Variants in METTL21A observed in about 807,000 individuals in gnomAD.
METTL21A encodes protein N-lysine methyltransferase METTL21A.
METTL21A carries 22 observed loss-of-function variants against 20.9 expected under a neutral mutation model. That is an observed-to-expected ratio of 1.05 (90% CI 0.75 to 1.50). The LOEUF is 1.50. Among genes scored for constraint, METTL21A ranks in the 40% most tolerant of loss-of-function variants. The pLI is 0.00. For missense variants in METTL21A, 271 were observed against 266.8 expected (o/e 1.02, Z -0.11); for synonymous variants, 93 against 102.0 (o/e 0.91, Z 0.53).
chr2:207,586,058 GAC>G (rs987966482), intron 3 of METTL21A, among the ~76,000 whole-genome samples: 146 of 152,184 alleles, frequency 9.6e-4, no homozygotes, highest in African/African-American at 3.2e-3. Context: ...GCCTTTCTAA[GAC>G]ACACTATTTT....
At chr2:207,602,156 T>G (rs907917489) in intron 3 of METTL21A, 1 of 197,740 alleles carries the variant, frequency 5.1e-6, no homozygotes, top group East Asian at 7.8e-5. Context: ...AGACCGACTT[T>G]AAGAGGGACC....
chr2:207,589,377 C>G (rs963755416), intron 3 of METTL21A, among the ~76,000 whole-genome samples: 1 of 152,150 alleles, frequency 6.6e-6, no homozygotes, highest in Non-Finnish European at 1.5e-5. Context: ...TTTTCTTCTG[C>G]TTTCCTGTTC....
Position 207,624,530 on chromosome 2 carries a change from C to G in METTL21A, c.-29-126G>C, listed in dbSNP as rs111470100. The G allele has an allele frequency of 1.2e-3, 1,039 of 842,938 alleles. 3 individuals carry two copies. Among genetic ancestry groups the G allele is most frequent in the African/African-American group, 7.4e-3 (418 of 56,272 alleles). The allele number at this position is 842,938 out of a possible 1,614,324, so 52.2% of individuals were successfully genotyped here. A position where few individuals can be genotyped will look rare whatever the true frequency, so the allele number is the denominator to read the frequency against. On this transcript the variant is annotated intron_variant, in intron 1 of 3. Transcript: ENST00000406927. Reference sequence around the variant, plus strand: ...GAAAAAAAGAAACAGGTGGAGGAAGCCTTTGTCCAATTTCTTTTGCATGGC... The same window carrying G: ...GAAAAAAAGAAACAGGTGGAGGAAGGCTTTGTCCAATTTCTTTTGCATGGC...
At chr2:207,619,254 C>A (rs1441531892) in intron 3 of METTL21A, among the ~76,000 whole-genome samples, 1 of 151,808 alleles carries the variant, frequency 6.6e-6, no homozygotes, top group African/African-American at 2.4e-5. Flanking sequence ...CACCTGCCAG[C>A]CTGTTTATTG....
chr2:207,614,143 G>A (rs1278722552), intron 3 of METTL21A, among the ~76,000 whole-genome samples: 1 of 151,758 alleles, frequency 6.6e-6, no homozygotes, highest in Non-Finnish European at 1.5e-5. Flanking sequence ...GCTCATGCCT[G>A]TAATCCCAGC....
chr2:207,587,590 C>T (rs2084116522), intron 3 of METTL21A, among the ~76,000 whole-genome samples: 1 of 152,056 alleles, frequency 6.6e-6, no homozygotes, highest in Non-Finnish European at 1.5e-5. Flanking sequence ...TATATATACA[C>T]AGTGGTATAC....
chr2:207,585,056 A>C (rs907626966), intron 3 of METTL21A, among the ~76,000 whole-genome samples: 1 of 151,486 alleles, frequency 6.6e-6, no homozygotes, highest in Non-Finnish European at 1.5e-5. Flanking sequence ...CACATACATC[A>C]TCTAGGGTGC....
At chr2:207,618,758 C>A (rs184711738) in intron 3 of METTL21A, among the ~76,000 whole-genome samples, 5 of 152,124 alleles carry the variant, frequency 3.3e-5, no homozygotes, top group Non-Finnish European at 7.4e-5. Flanking sequence ...CTCTCTCTCT[C>A]TAAAAAATAT....
At chr2:207,624,183 T>G (rs1213540792) in intron 2 of METTL21A, 46 bp downstream of exon 2, 1 of 1,532,888 alleles carries the variant, frequency 6.5e-7, no homozygotes. Context: ...TAAAAGCCAG[T>G]CTTGCAAGTG....
intron 3 of METTL21A, 121 bp from the exon 4 acceptor site, chr2:207,613,564 T>C: frequency 2.3e-6 from 2 of 865,098 alleles, no homozygotes; most frequent in South Asian, 2.1e-5. Flanking sequence ...ATAATATCAA[T>C]CACACCTTTC....
At chr2:207,583,384 G>A (rs1383441514) in intron 3 of METTL21A, among the ~76,000 whole-genome samples, 2 of 152,168 alleles carry the variant, frequency 1.3e-5, no homozygotes, top group African/African-American at 4.8e-5. Flanking sequence ...TTCTCCGACA[G>A]AAACTTGGCT....
chr2:207,616,758 A>C (rs998868165), intron 3 of METTL21A, among the ~76,000 whole-genome samples: 2 of 152,186 alleles, frequency 1.3e-5, no homozygotes, highest in Non-Finnish European at 2.9e-5. Flanking sequence ...AGGCAGGAGA[A>C]TCGCTTGAAC....
chr2:207,593,090 C>A (rs539283632), intron 3 of METTL21A, among the ~76,000 whole-genome samples: 1 of 152,202 alleles, frequency 6.6e-6, no homozygotes, highest in Non-Finnish European at 1.5e-5. Context: ...GTTTTACTTA[C>A]CAGAACATCA....
intron 3 of METTL21A, chr2:207,603,247 C>A (rs1336862210): frequency 4.5e-6 from 1 of 220,158 alleles, no homozygotes; most frequent in Non-Finnish European, 9.1e-6. Flanking sequence ...ACACTATGTA[C>A]ATAATAGCTG....
At chr2:207,620,077 G>A (rs2090301652) in intron 3 of METTL21A, among the ~76,000 whole-genome samples, 1 of 152,184 alleles carries the variant, frequency 6.6e-6, no homozygotes, top group African/African-American at 2.4e-5. Context: ...GTTCTCAGGA[G>A]GAAACAGAAG....
downstream of METTL21A, among the ~76,000 whole-genome samples, chr2:207,606,655 T>C (rs1248025291): frequency 6.6e-6 from 1 of 152,142 alleles, no homozygotes; most frequent in African/African-American, 2.4e-5. Flanking sequence ...TCTCTCTAGG[T>C]AGAGGTTCTG....
chr2:207,599,577 C>T (rs1343462137), intron 3 of METTL21A: 1 of 197,706 alleles, frequency 5.1e-6, no homozygotes, highest in African/African-American at 2.3e-5. Context: ...GTTTTGAAGT[C>T]AGTTGCTTAA....
chr2:207,591,196 T>C lies in METTL21A; in HGVS notation c.260-9036A>G, dbSNP rs146769910. On this transcript the variant is annotated intron_variant, in intron 3 of 3. Transcript: ENST00000425132. ...GTCATCTCTGAGACTCTACTTAGTC[T>C]ATCATCACTGACAGGAGAGTGTATT... Among the ~76,000 whole-genome samples the C allele has an allele frequency of 4.9e-4, 75 of 152,330 alleles. No individual in the cohort carries two copies. The East Asian group carries it at 0.011, about 23-fold the overall frequency.
At chr2:207,615,427 G>A (rs1207213149) in intron 3 of METTL21A, among the ~76,000 whole-genome samples, 1 of 151,926 alleles carries the variant, frequency 6.6e-6, no homozygotes, top group Non-Finnish European at 1.5e-5. Context: ...GCCAGGCGTG[G>A]TGGCTCACGC....
Sources: gnomAD v4.1 joint callset for allele counts (sites outside exome capture counted in the v4.1 genomes callset) on GRCh38, gnomAD v4.1.1 for gene constraint, MANE v1.5 for transcripts, NCBI Gene and HGNC (gene_info 2026-07-23, HGNC 2026-07-21) for gene names.